PTPRD: variants seen among roughly 807,000 people sequenced by gnomAD.
The protein encoded by PTPRD is protein tyrosine phosphatase receptor type D.
A neutral mutation model predicts 214.5 loss-of-function variants in PTPRD; 34 were observed. That is an observed-to-expected ratio of 0.16 (90% CI 0.12 to 0.21). PTPRD has a LOEUF of 0.21. Among genes scored for constraint, PTPRD ranks in the 10% least tolerant of loss-of-function variants. The pLI is 1.00. For missense variants in PTPRD, 2,545 were observed against 2,398.7 expected (o/e 1.06, Z -1.27); for synonymous variants, 1,128 against 845.7 (o/e 1.33, Z -5.79).
intron 3 of PTPRD, among the ~76,000 whole-genome samples, chr9:10,335,117 C>A (rs572498786): frequency 1.5e-4 from 23 of 151,512 alleles, no homozygotes; most frequent in African/African-American, 5.6e-4. Flanking sequence ...AAGCAAAAAC[C>A]CAGAATAGCC....
At chr9:9,090,810 A>G in intron 10 of PTPRD, 1 of 710,424 alleles carries the variant, frequency 1.4e-6, no homozygotes, top group South Asian at 1.5e-5. Flanking sequence ...ATAACTCTTA[A>G]TGACATCTCA....
At chr9:8,727,973 C>T (rs545450639) in intron 12 of PTPRD, among the ~76,000 whole-genome samples, 4 of 152,188 alleles carry the variant, frequency 2.6e-5, no homozygotes, top group African/African-American at 9.7e-5. Context: ...TGAGGCCAGG[C>T]GCAGTGGCTC....
Position 10,106,604 on chromosome 9 carries a change from G to C in PTPRD, c.-544-72814C>G, listed in dbSNP as rs138505402. Among the ~76,000 whole-genome samples, 952 of 151,974 alleles carry C rather than the reference G, an allele frequency of 6.3e-3. 1 individual carries two copies. Among genetic ancestry groups the C allele is most frequent in the Non-Finnish European group, 0.01 (708 of 67,886 alleles). ...TCTAACAAGAAGTAAAGTTTAAAAGGCATTGGGTTATGAGAGGACCATCTA... is the reference window on the plus strand; with the variant it reads ...TCTAACAAGAAGTAAAGTTTAAAAGCCATTGGGTTATGAGAGGACCATCTA... On this transcript the variant is annotated intron_variant, in intron 3 of 45. Coordinates refer to ENST00000381196, the MANE Select transcript of PTPRD (RefSeq NM_002839.4).
At chr9:9,823,852 AT>A (rs1431346894) in intron 5 of PTPRD, among the ~76,000 whole-genome samples, 1 of 152,090 alleles carries the variant, frequency 6.6e-6, no homozygotes, top group African/African-American at 2.4e-5. Flanking sequence ...TTTCAAAATA[AT>A]TAGAGGAGCA....
At chr9:9,903,155 A>G (rs2076790678) in intron 5 of PTPRD, among the ~76,000 whole-genome samples, 1 of 152,122 alleles carries the variant, frequency 6.6e-6, no homozygotes, top group African/African-American at 2.4e-5. Context: ...GAATCAAATA[A>G]TTTTCTTCCA....
At chr9:8,735,789 G>A (rs1249286740) in intron 11 of PTPRD, among the ~76,000 whole-genome samples, 1 of 151,778 alleles carries the variant, frequency 6.6e-6, no homozygotes, top group Admixed American at 6.6e-5. Flanking sequence ...GTGCATACCT[G>A]TAATCCCAGC....
At chr9:8,389,103 A>T in intron 37 of PTPRD, 129 bp downstream of exon 37, 1 of 699,508 alleles carries the variant, frequency 1.4e-6, no homozygotes, top group Non-Finnish European at 2.2e-6. Flanking sequence ...GTTGATGCCC[A>T]TTCATAATTA....
intron 3 of PTPRD, among the ~76,000 whole-genome samples, chr9:10,106,909 G>A (rs1200059284): frequency 1.3e-5 from 2 of 151,818 alleles, no homozygotes; most frequent in African/African-American, 4.8e-5. Context: ...TGGAATTGAT[G>A]CCATAAGGGG....
chr9:8,999,399 T>G (rs1219560964), intron 11 of PTPRD, among the ~76,000 whole-genome samples: 1 of 152,074 alleles, frequency 6.6e-6, no homozygotes, highest in Non-Finnish European at 1.5e-5. Context: ...AAAAAGATTA[T>G]GACTTGCTGA....
chr9:9,951,750 G>C (rs564978142), intron 4 of PTPRD, among the ~76,000 whole-genome samples: 25 of 152,278 alleles, frequency 1.6e-4, no homozygotes, highest in African/African-American at 5.5e-4. Context: ...TGCATCAGGA[G>C]GAAACAGATT....
At position 10,501,919 on chromosome 9, in the gene PTPRD, G is replaced by C. The variant is rs140285515; in HGVS notation, c.-600+110479C>G. The stretch of plus-strand genomic sequence containing the variant: ...ACCCTTGTCTACGATCCTATCCCCT[G>C]AGAGATACTGATTTACCTGGTCCAT... On this transcript the variant is annotated intron_variant, in intron 2 of 45. Coordinates refer to ENST00000381196, the MANE Select transcript of PTPRD (RefSeq NM_002839.4). Among the ~76,000 whole-genome samples the C allele has an allele frequency of 3.3e-5, 5 of 152,026 alleles. No individual in the cohort carries two copies. The East Asian group carries it at 9.7e-4, about 29-fold the overall frequency.
chr9:9,699,980 G>A (rs779820246), intron 7 of PTPRD, among the ~76,000 whole-genome samples: 20 of 152,254 alleles, frequency 1.3e-4, no homozygotes, highest in Non-Finnish European at 1.9e-4. Context: ...ATTCAAGAAA[G>A]TGTTGGTACG....
intron 7 of PTPRD, among the ~76,000 whole-genome samples, chr9:9,668,410 G>C (rs763108550): frequency 2.0e-4 from 31 of 152,068 alleles, no homozygotes; most frequent in Non-Finnish European, 3.5e-4. Context: ...GGCCTGATTT[G>C]GTTACCCTGA....
At chr9:9,149,686 A>G (rs547759554) in intron 10 of PTPRD, among the ~76,000 whole-genome samples, 5 of 152,338 alleles carry the variant, frequency 3.3e-5, no homozygotes, top group African/African-American at 1.2e-4. Context: ...TCTCACTTAG[A>G]TTCTTTGCTA....
At chr9:8,668,693 G>A (rs1270791503) in intron 12 of PTPRD, among the ~76,000 whole-genome samples, 1 of 152,158 alleles carries the variant, frequency 6.6e-6, no homozygotes, top group Non-Finnish European at 1.5e-5. Context: ...TTGGAAAATT[G>A]CAATGTATAT....
In PTPRD at chr9:10,538,291, TAAATAA is replaced by T. The variant is rs1272881303; in HGVS notation, c.-600+74101_-600+74106del. Among the ~76,000 whole-genome samples the T allele has an allele frequency of 1.2e-3, 142 of 113,990 alleles. 2 individuals carry two copies. Among genetic ancestry groups the T allele is most frequent in the African/African-American group, 4.7e-3 (135 of 28,538 alleles). The allele number at this position is 113,990 out of a possible 152,430, so 74.8% of individuals were successfully genotyped here. A position where few individuals can be genotyped will look rare whatever the true frequency, so the allele number is the denominator to read the frequency against. On this transcript the variant is annotated intron_variant, in intron 2 of 45. Transcript: ENST00000381196. ...ATAAATAAATAAATAAATAAATAAATAAATAAAAAGGGAGAGGAGTGGTTCTGTAAA... is the reference window on the plus strand; with the variant it reads ...ATAAATAAATAAATAAATAAATAAATAAAGGGAGAGGAGTGGTTCTGTAAA...
intron 14 of PTPRD, among the ~76,000 whole-genome samples, chr9:8,620,613 G>T (rs988740434): frequency 2.0e-5 from 3 of 151,970 alleles, no homozygotes; most frequent in Admixed American, 2.0e-4. Flanking sequence ...TTAATGGCGG[G>T]GGGCAGGGGG....
rs1484164023 is a variant in PTPRD at position 8,334,918 on chromosome 9, G to A, written c.5380-3182C>T. ...ATAAACTAGAAAATCTAGAAGAAAT[G>A]GATAAATTCCTGGAGACGTACACCC... On this transcript the variant is annotated intron_variant, in intron 43 of 45. Transcript: ENST00000381196. Among the ~76,000 whole-genome samples the A allele has an allele frequency of 2.8e-5, 4 of 144,756 alleles. No homozygotes were observed. The South Asian group carries it at 8.8e-4, about 32-fold the overall frequency. 95.0% of individuals were successfully genotyped at this position (144,756 alleles called of 152,430 possible).
chr9:10,193,513 G>A lies in PTPRD; in HGVS notation c.-545+147450C>T, dbSNP rs960962074. Among the ~76,000 whole-genome samples, 31 of 152,112 alleles carry A rather than the reference G, an allele frequency of 2.0e-4. 1 individual carries two copies. The highest frequency in any genetic ancestry group is 2.0e-3 in the Admixed American group (31 of 15,262). ...AAAGGCAAACAAATGTAAAAGCGGG[G>A]GTGGGAGGGAACCAACACCTTTGAG... On this transcript the variant is annotated intron_variant, in intron 3 of 45. Coordinates refer to ENST00000381196, the MANE Select transcript of PTPRD (RefSeq NM_002839.4).
Sources: gnomAD v4.1 joint callset for allele counts (sites outside exome capture counted in the v4.1 genomes callset) on GRCh38, gnomAD v4.1.1 for gene constraint, MANE v1.5 for transcripts, NCBI Gene and HGNC (gene_info 2026-07-23, HGNC 2026-07-21) for gene names.